The following ASIC2 variants were observed in gnomAD, a reference collection of about 807,000 sequenced individuals.
The protein encoded by ASIC2 is acid-sensing ion channel 2.
Under a neutral mutation model 57.3 loss-of-function variants are expected in ASIC2, and 25 were observed. The ratio of observed to expected loss-of-function variants is 0.44; its 90% CI spans 0.32 to 0.61. ASIC2 has a LOEUF of 0.61. Among genes scored for constraint, ASIC2 ranks in the 20% least tolerant of loss-of-function variants. The probability of loss-of-function intolerance (pLI) is 0.06; values close to 1 mark genes in which losing one functional copy is unlikely to be tolerated. For missense variants in ASIC2, 641 were observed against 738.1 expected, an observed-to-expected ratio of 0.87 and a Z score of 1.52; for synonymous variants, 319 against 307.5, an observed-to-expected ratio of 1.04 and a Z score of -0.39.
chr17:33,366,315 G>T (rs571851297), intron 1 of ASIC2, among the ~76,000 whole-genome samples: 1 of 152,220 alleles, frequency 6.6e-6, no homozygotes, highest in Non-Finnish European at 1.5e-5. Context: ...AGCATTCAAA[G>T]TTCTTCACTG....
chr17:34,033,039 A>G (rs149541059), intron 1 of ASIC2, among the ~76,000 whole-genome samples: 1,571 of 152,320 alleles, frequency 0.01, 27 homozygotes, highest in African/African-American at 0.035. Context: ...AGAACTCTCC[A>G]CCCCAAATCA....
chr17:33,118,017 A>AGG (rs1471001456), intron 1 of ASIC2, among the ~76,000 whole-genome samples: 3 of 152,194 alleles, frequency 2.0e-5, no homozygotes, highest in Non-Finnish European at 2.9e-5. Context: ...CTGGAAGCCC[A>AGG]GGGTAGCCAA....
At chr17:33,521,299 A>G (rs1043839659) in intron 1 of ASIC2, among the ~76,000 whole-genome samples, 19 of 152,076 alleles carry the variant, frequency 1.2e-4, no homozygotes, top group African/African-American at 4.6e-4. Flanking sequence ...TGAATGAATT[A>G]TTTGGCTCTG....
chr17:33,932,543 G>A (rs530911946), intron 1 of ASIC2: 5 of 151,214 alleles, frequency 3.3e-5, no homozygotes, highest in African/African-American at 1.2e-4. Context: ...GAGAAACCCT[G>A]TCTGTGCTAA....
chr17:33,089,277 A>G (rs968226567), intron 2 of ASIC2, among the ~76,000 whole-genome samples: 1 of 152,212 alleles, frequency 6.6e-6, no homozygotes. Flanking sequence ...AAAGGGAGGC[A>G]GGAGGATCAA....
intron 1 of ASIC2, among the ~76,000 whole-genome samples, chr17:33,832,251 G>A (rs531277532): frequency 2.5e-4 from 38 of 152,194 alleles, no homozygotes; most frequent in Non-Finnish European, 3.1e-4. Flanking sequence ...AATATAGCTG[G>A]TTTTGTGTGA....
intron 1 of ASIC2, among the ~76,000 whole-genome samples, chr17:33,656,191 C>T (rs956542179): frequency 1.3e-5 from 2 of 151,570 alleles, no homozygotes; most frequent in Non-Finnish European, 2.9e-5. Context: ...AACAAACAAA[C>T]CAGAAATGAC....
intron 1 of ASIC2, among the ~76,000 whole-genome samples, chr17:33,787,755 T>G (rs550453054): frequency 1.3e-5 from 2 of 152,182 alleles, no homozygotes. Flanking sequence ...GTGTGTGATA[T>G]GGTTTGGGTC....
In ASIC2 at chr17:33,308,902, G is replaced by A. The variant is rs371859042; in HGVS notation, c.556-196835C>T. On this transcript the variant is annotated intron_variant, in intron 1 of 9. Transcript: ENST00000359872. ...ATGATAACTATCGATCTCCTTTGTC[G>A]GGTAGACAGGGTTTGAACTGGCTAC... Among the ~76,000 whole-genome samples, 16 of 152,236 alleles carry A rather than the reference G, an allele frequency of 1.1e-4. No homozygotes were observed. The East Asian group carries it at 1.7e-3, about 17-fold the overall frequency.
chr17:33,305,863 A>T (rs868449929), intron 1 of ASIC2, among the ~76,000 whole-genome samples: 1 of 152,206 alleles, frequency 6.6e-6, no homozygotes, highest in African/African-American at 2.4e-5. Flanking sequence ...TCTGAACAAC[A>T]ATTTCATTCT....
chr17:33,919,318 T>TA (rs1201019618), intron 1 of ASIC2, among the ~76,000 whole-genome samples: 1 of 152,120 alleles, frequency 6.6e-6, no homozygotes, highest in Admixed American at 6.5e-5. Context: ...TCACCACACA[T>TA]GAAAACCTTT....
At chr17:33,049,710 T>C (rs538369562) in intron 3 of ASIC2, among the ~76,000 whole-genome samples, 1 of 152,338 alleles carries the variant, frequency 6.6e-6, no homozygotes, top group East Asian at 1.9e-4. Context: ...CTCATCTGTA[T>C]AATGGGAATA....
intron 1 of ASIC2, among the ~76,000 whole-genome samples, chr17:33,187,232 A>G (rs1280696471): frequency 6.6e-6 from 1 of 152,204 alleles, no homozygotes; most frequent in Non-Finnish European, 1.5e-5. Flanking sequence ...ACCTGACCAC[A>G]TGTCGAACAA....
intron 1 of ASIC2, among the ~76,000 whole-genome samples, chr17:33,576,290 T>C (rs188010633): frequency 1.3e-5 from 2 of 152,230 alleles, no homozygotes; most frequent in Non-Finnish European, 2.9e-5. Flanking sequence ...GAGAACCCAG[T>C]TCAAATCCTG....
chr17:33,582,627 T>C (rs898486041), intron 1 of ASIC2, among the ~76,000 whole-genome samples: 1 of 152,210 alleles, frequency 6.6e-6, no homozygotes, highest in African/African-American at 2.4e-5. Flanking sequence ...CCTCAAGCTC[T>C]TAGAACAGTG....
intron 1 of ASIC2, among the ~76,000 whole-genome samples, chr17:33,941,993 G>A (rs546799721): frequency 2.0e-5 from 3 of 152,188 alleles, no homozygotes; most frequent in Non-Finnish European, 4.4e-5. Context: ...GCGTTTTCAG[G>A]GCTAGAATAT....
intron 1 of ASIC2, among the ~76,000 whole-genome samples, chr17:33,410,594 A>G (rs1256859332): frequency 6.6e-6 from 1 of 152,054 alleles, no homozygotes; most frequent in East Asian, 1.9e-4. Flanking sequence ...CCATCAGATC[A>G]GGCTGTAGTC....
At chr17:33,261,198 TG>T (rs1909267339) in intron 1 of ASIC2, among the ~76,000 whole-genome samples, 1 of 152,242 alleles carries the variant, frequency 6.6e-6, no homozygotes, top group Admixed American at 6.5e-5. Flanking sequence ...ACTAGCTTTT[TG>T]CCTCTTATTT....
chr17:33,238,710 A>G (rs1243720837), intron 1 of ASIC2, among the ~76,000 whole-genome samples: 1 of 152,106 alleles, frequency 6.6e-6, no homozygotes, highest in Non-Finnish European at 1.5e-5. Flanking sequence ...CCCCCAACCA[A>G]TATCCACAAG....
Sources: allele counts gnomAD v4.1 joint callset (sites outside exome capture counted in the v4.1 genomes callset), GRCh38; gene constraint gnomAD v4.1.1; transcripts MANE v1.5; gene names NCBI Gene and HGNC (gene_info 2026-07-23, HGNC 2026-07-21).